MSRA: variants seen among roughly 807,000 people sequenced by gnomAD.
MSRA encodes methionine sulfoxide reductase A, also known as mitochondrial peptide methionine sulfoxide reductase.
MSRA carries 54 observed loss-of-function variants against 31.3 expected under a neutral mutation model. The ratio of observed to expected loss-of-function variants is 1.73; its 90% CI spans 1.39 to 2.17. The LOEUF (loss-of-function observed/expected upper bound fraction) is 2.17, where lower values mean the gene tolerates loss of function less well. Ranked by LOEUF, MSRA falls within the 30% of genes most tolerant of loss-of-function variation. The pLI, the probability that MSRA is intolerant of heterozygous loss-of-function variation, is 0.00. For synonymous variants in MSRA, 169 were observed against 116.5 expected (o/e 1.45, Z -2.90); for missense variants, 507 against 300.9 (o/e 1.69, Z -5.07).
chr8:10,350,684 T>C (rs1804073227), intron 5 of MSRA, among the ~76,000 whole-genome samples: 1 of 152,210 alleles, frequency 6.6e-6, no homozygotes, highest in Admixed American at 6.5e-5. Flanking sequence ...TGGTTGGCCC[T>C]GTATCTCTGG....
At chr8:10,320,861 C>T (rs1187554842) in intron 5 of MSRA, among the ~76,000 whole-genome samples, 1 of 152,124 alleles carries the variant, frequency 6.6e-6, no homozygotes, top group Non-Finnish European at 1.5e-5. Flanking sequence ...GTTTCTTTGT[C>T]CAAGCTTCTT....
chr8:10,082,479 A>G (rs1227356382), intron 1 of MSRA, among the ~76,000 whole-genome samples: 2 of 152,196 alleles, frequency 1.3e-5, no homozygotes, highest in Non-Finnish European at 2.9e-5. Flanking sequence ...AACATACGTC[A>G]TCTTTTCTCC....
At chr8:10,166,457 T>C (rs1563172911) in intron 1 of MSRA, among the ~76,000 whole-genome samples, 1 of 152,202 alleles carries the variant, frequency 6.6e-6, no homozygotes, top group Non-Finnish European at 1.5e-5. Flanking sequence ...TGACTACATA[T>C]GTTATATTTA....
At chr8:10,162,030 C>T in intron 1 of MSRA, among the ~76,000 whole-genome samples, 1 of 152,196 alleles carries the variant, frequency 6.6e-6, no homozygotes, top group Non-Finnish European at 1.5e-5. Context: ...CCTCGCTTCC[C>T]TCATGTCCTA....
intron 3 of MSRA, among the ~76,000 whole-genome samples, chr8:10,292,297 G>T (rs1032177900): frequency 3.3e-5 from 5 of 152,148 alleles, no homozygotes; most frequent in African/African-American, 9.7e-5. Context: ...GCAGCACGAG[G>T]GCTCCTCCGG....
chr8:10,116,430 T>C (rs1800681888), intron 1 of MSRA, among the ~76,000 whole-genome samples: 1 of 152,150 alleles, frequency 6.6e-6, no homozygotes, highest in African/African-American at 2.4e-5. Flanking sequence ...AGTAATTCGT[T>C]TGATAAGCAA....
chr8:10,335,167 T>G (rs763817434), intron 5 of MSRA, among the ~76,000 whole-genome samples: 1 of 149,950 alleles, frequency 6.7e-6, no homozygotes, highest in African/African-American at 2.5e-5. Context: ...CTCCATGGAA[T>G]GGGAAGCAGG....
chr8:10,298,337 TGAG>T (rs1178755484), intron 3 of MSRA, among the ~76,000 whole-genome samples: 2 of 152,030 alleles, frequency 1.3e-5, no homozygotes, highest in Admixed American at 1.3e-4. Context: ...GGGTGAACCT[TGAG>T]GACATTACGC....
chr8:10,108,751 C>T (rs1167119216), intron 1 of MSRA, among the ~76,000 whole-genome samples: 2 of 152,076 alleles, frequency 1.3e-5, no homozygotes, highest in African/African-American at 4.8e-5. Context: ...AAATGCCTGG[C>T]ACGTTTTAAA....
intron 1 of MSRA, among the ~76,000 whole-genome samples, chr8:10,056,216 A>C (rs1332105205): frequency 1.3e-5 from 2 of 151,270 alleles, no homozygotes; most frequent in Non-Finnish European, 2.9e-5. Flanking sequence ...AAAAAAAAAA[A>C]AAAAACCCCA....
intron 3 of MSRA, among the ~76,000 whole-genome samples, chr8:10,281,308 G>A (rs1041819148): frequency 1.3e-5 from 2 of 152,134 alleles, no homozygotes; most frequent in Non-Finnish European, 2.9e-5. Context: ...CCATTCTCCT[G>A]GACTTTTCCC....
At chr8:10,071,196 C>T (rs189352683) in intron 1 of MSRA, among the ~76,000 whole-genome samples, 8 of 152,310 alleles carry the variant, frequency 5.3e-5, no homozygotes, top group East Asian at 1.9e-4. Flanking sequence ...TTTAGCCATT[C>T]TGATAGCTAT....
At chr8:10,177,067 C>A (rs1328151812) in intron 1 of MSRA, among the ~76,000 whole-genome samples, 1 of 152,198 alleles carries the variant, frequency 6.6e-6, no homozygotes, top group Non-Finnish European at 1.5e-5. Flanking sequence ...AAGACTTGTT[C>A]AGTTTATTAC....
At chr8:10,385,820 C>A (rs1000731762) in intron 5 of MSRA, among the ~76,000 whole-genome samples, 2 of 146,864 alleles carry the variant, frequency 1.4e-5, no homozygotes, top group African/African-American at 4.9e-5. Flanking sequence ...GGTGGGGTGT[C>A]TTCCTAAAAA....
chr8:10,100,494 G>T (rs954293619), intron 1 of MSRA, among the ~76,000 whole-genome samples: 1 of 152,122 alleles, frequency 6.6e-6, no homozygotes, highest in Non-Finnish European at 1.5e-5. Flanking sequence ...GCCAGGGAGG[G>T]CAGTGTTCCA....
Position 10,428,432 on chromosome 8 carries a change from C to A in MSRA, c.*120C>A. The A allele has an allele frequency of 1.8e-6, 2 of 1,107,420 alleles. No individual in the cohort carries two copies. Among genetic ancestry groups the A allele is most frequent in the Non-Finnish European group, 2.6e-6 (2 of 772,720 alleles). 68.6% of individuals were successfully genotyped at this position (1,107,420 alleles called of 1,614,324 possible). ...TGCACAAAGTACAAAGGAATTTATA[C>A]AGATTGGGTTTACCGAAGTATAATC... is the stretch of plus-strand genomic sequence containing the variant. On this transcript the variant is annotated 3_prime_UTR_variant, in exon 6 of 6. Coordinates refer to ENST00000317173, the MANE Select transcript of MSRA (RefSeq NM_012331.5).
chr8:10,404,818 G>A (rs947643391), intron 5 of MSRA, among the ~76,000 whole-genome samples: 9 of 152,168 alleles, frequency 5.9e-5, no homozygotes, highest in African/African-American at 1.9e-4. Context: ...ATTTTTGGCC[G>A]CCAGACCATG....
chr8:10,284,307 G>A (rs1346592208), intron 3 of MSRA, among the ~76,000 whole-genome samples: 1 of 151,974 alleles, frequency 6.6e-6, no homozygotes, highest in Non-Finnish European at 1.5e-5. Flanking sequence ...TCCTGCCTCA[G>A]CCTCCCGAAT....
chr8:10,410,906 A>G (rs1585716913), intron 5 of MSRA, among the ~76,000 whole-genome samples: 1 of 152,206 alleles, frequency 6.6e-6, no homozygotes, highest in South Asian at 2.1e-4. Context: ...TGAGCCTGAC[A>G]AAAAGGAAAA....
Sources: gnomAD v4.1 joint callset for allele counts (sites outside exome capture counted in the v4.1 genomes callset) on GRCh38, gnomAD v4.1.1 for gene constraint, MANE v1.5 for transcripts, NCBI Gene and HGNC (gene_info 2026-07-23, HGNC 2026-07-21) for gene names.